ZNF215: variants seen among roughly 807,000 people sequenced by gnomAD.
ZNF215 encodes the protein BWSCR2-associated zinc finger protein 2.
A neutral mutation model predicts 27.2 loss-of-function variants in ZNF215; 24 were observed. The ratio of observed to expected loss-of-function variants is 0.88; its 90% CI spans 0.64 to 1.24. The LOEUF is 1.24. ZNF215 is among the 50% of genes most tolerant of loss of function. The probability of loss-of-function intolerance (pLI) is 0.00; values close to 1 mark genes in which losing one functional copy is unlikely to be tolerated. For missense variants in ZNF215, 675 were observed against 605.7 expected, an observed-to-expected ratio of 1.11 and a Z score of -1.20; for synonymous variants, 210 against 204.0, an observed-to-expected ratio of 1.03 and a Z score of -0.25.
At chr11:6,952,635 C>T (rs1850123410) in intron 6 of ZNF215, among the ~76,000 whole-genome samples, 1 of 151,914 alleles carries the variant, frequency 6.6e-6, no homozygotes, top group South Asian at 2.1e-4. Flanking sequence ...TGTCTCTGCA[C>T]ATGAGATGGG....
intron 6 of ZNF215, among the ~76,000 whole-genome samples, chr11:6,955,464 C>T (rs1186671849): frequency 2.0e-5 from 3 of 152,102 alleles, no homozygotes; most frequent in East Asian, 1.9e-4. Context: ...AGCCCTATAC[C>T]GTTTTTTTAG....
At chr11:6,983,301 G>A (rs1267204760) in intron 5 of ZNF215, among the ~76,000 whole-genome samples, 1 of 151,936 alleles carries the variant, frequency 6.6e-6, no homozygotes, top group Non-Finnish European at 1.5e-5. Context: ...AGGACCAGAT[G>A]GATTCACAGC....
chr11:6,986,517 A>C (rs927573085), downstream of ZNF215, among the ~76,000 whole-genome samples: 1 of 152,118 alleles, frequency 6.6e-6, no homozygotes, highest in Non-Finnish European at 1.5e-5. Flanking sequence ...AAAACTGACA[A>C]GTGGAACCTA....
intron 5 of ZNF215, among the ~76,000 whole-genome samples, chr11:6,982,450 G>T (rs949338582): frequency 1.1e-4 from 16 of 151,928 alleles, no homozygotes; most frequent in Admixed American, 7.2e-4. Flanking sequence ...TCAACAGAAT[G>T]TACATTTTTT....
rs1361691965 is a variant in ZNF215, at chr11:6,982,709, C to T, written c.806-1420C>T. Among the ~76,000 whole-genome samples, 13 of 151,562 alleles carry T rather than the reference C, an allele frequency of 8.6e-5. 1 individual carries two copies. The highest frequency in any genetic ancestry group is 2.1e-4 in the South Asian group (1 of 4,800). Reference sequence around the variant, plus strand: ...AAATAAAGATGTTCTTTGAAACCAACGAGAACAAAGACACAACATACCAGA... The same window carrying T: ...AAATAAAGATGTTCTTTGAAACCAATGAGAACAAAGACACAACATACCAGA... On this transcript the variant is annotated intron_variant, in intron 5 of 5. Coordinates refer to the ZNF215 transcript ENST00000529903.
At chr11:6,930,747 A>G (rs1035305708) in intron 2 of ZNF215, among the ~76,000 whole-genome samples, 1 of 152,198 alleles carries the variant, frequency 6.6e-6, no homozygotes, top group African/African-American at 2.4e-5. Context: ...TTTAATCCCT[A>G]TAATTTGATC....
downstream of ZNF215, among the ~76,000 whole-genome samples, chr11:6,992,560 G>A (rs756179530): frequency 9.8e-5 from 15 of 152,358 alleles, no homozygotes; most frequent in South Asian, 4.1e-4. Flanking sequence ...ATACTCAGCT[G>A]TATTAGATTT....
At chr11:6,973,823 C>G (rs954761152) in intron 5 of ZNF215, among the ~76,000 whole-genome samples, 14 of 152,044 alleles carry the variant, frequency 9.2e-5, no homozygotes, top group Non-Finnish European at 1.8e-4. Flanking sequence ...ATTACAAAAA[C>G]TTTTTCCCAT....
At chr11:6,962,104 GGAAACCA>G (rs202043505), downstream of ZNF215, among the ~76,000 whole-genome samples, 938 of 152,226 alleles carry the variant, frequency 6.2e-3, 11 homozygotes, top group African/African-American at 0.022. Context: ...CAAAGCTTAG[GGAAACCA>G]TAAGAAATAG....
At chr11:6,990,473 G>C (rs1279592348), downstream of ZNF215, among the ~76,000 whole-genome samples, 2 of 152,176 alleles carry the variant, frequency 1.3e-5, no homozygotes, top group Admixed American at 1.3e-4. Flanking sequence ...TGCTTTGAAA[G>C]AATTCATTAG....
At chr11:6,939,569 G>T (rs571853560) in intron 3 of ZNF215, among the ~76,000 whole-genome samples, 1 of 152,138 alleles carries the variant, frequency 6.6e-6, no homozygotes, top group East Asian at 1.9e-4. Context: ...TTCCAAGATC[G>T]TAGTGCTTAG....
At chr11:6,948,987 G>C (rs970828853) in intron 6 of ZNF215, among the ~76,000 whole-genome samples, 13 of 147,370 alleles carry the variant, frequency 8.8e-5, no homozygotes, top group African/African-American at 3.3e-4. Context: ...CTATGAGTGA[G>C]AACATGCAGT....
chr11:6,967,800 CA>C (rs1295667841), intron 5 of ZNF215, among the ~76,000 whole-genome samples: 5 of 152,014 alleles, frequency 3.3e-5, no homozygotes, highest in Non-Finnish European at 7.4e-5. Flanking sequence ...AATTAGATCC[CA>C]ATTTGTCTAT....
intron 3 of ZNF215, among the ~76,000 whole-genome samples, chr11:6,933,308 G>C (rs4426121): frequency 0.39 from 59,054 of 152,048 alleles, 11,658 homozygotes; most frequent in South Asian, 0.48. Context: ...ATTTGGGAGT[G>C]GGGGAGAAGG....
chr11:6,951,202 GT>G (rs1850042913), intron 6 of ZNF215, among the ~76,000 whole-genome samples: 1 of 151,862 alleles, frequency 6.6e-6, no homozygotes, highest in South Asian at 2.1e-4. Flanking sequence ...CTCTTTTTTT[GT>G]TGTGTCTCTG....
chr11:6,985,883 G>T (rs1333128001), downstream of ZNF215, among the ~76,000 whole-genome samples: 1 of 151,478 alleles, frequency 6.6e-6, no homozygotes, highest in African/African-American at 2.4e-5. Flanking sequence ...AATCAAAGAT[G>T]ACACAAAAAG....
intron 6 of ZNF215, 44 bp downstream of exon 6, chr11:6,943,685 T>C (rs1432528638): frequency 7.0e-7 from 1 of 1,434,944 alleles, no homozygotes; most frequent in African/African-American, 1.4e-5. Context: ...AAGCTTCTGT[T>C]TCCTAAACAT....
chr11:6,993,647 C>G (rs2133368051), downstream of ZNF215, among the ~76,000 whole-genome samples: 1 of 152,266 alleles, frequency 6.6e-6, no homozygotes, highest in East Asian at 1.9e-4. Flanking sequence ...AAGCAGTGTT[C>G]TATGATTACA....
At chr11:6,943,059 T>C in intron 4 of ZNF215, 24 bp from the exon 5 acceptor site, 2 of 1,605,434 alleles carry the variant, frequency 1.2e-6, no homozygotes, top group Non-Finnish European at 1.7e-6. Context: ...ACACCTTTGA[T>C]TAAAAAGGAA....
Sources: gnomAD v4.1 joint callset for allele counts (sites outside exome capture counted in the v4.1 genomes callset) on GRCh38, gnomAD v4.1.1 for gene constraint, MANE v1.5 for transcripts, NCBI Gene and HGNC (gene_info 2026-07-23, HGNC 2026-07-21) for gene names.